POLN: variants seen among roughly 807,000 people sequenced by gnomAD.
POLN encodes DNA polymerase N.
A neutral mutation model predicts 113.5 loss-of-function variants in POLN; 108 were observed. The ratio of observed to expected loss-of-function variants is 0.95; its 90% CI spans 0.81 to 1.12. POLN has a LOEUF of 1.12. POLN is among the 50% of genes most tolerant of loss of function. The pLI, the probability that POLN is intolerant of heterozygous loss-of-function variation, is 0.00. For missense variants in POLN, 1,097 were observed against 1,077.1 expected (o/e 1.02, Z -0.26); for synonymous variants, 386 against 391.5 (o/e 0.99, Z 0.17).
chr4:2,238,272 T>C (rs1734837781), intron 2 of POLN, among the ~76,000 whole-genome samples: 1 of 152,078 alleles, frequency 6.6e-6, no homozygotes. Context: ...CAGCAACACC[T>C]ACTATGCTGA....
At chr4:2,111,297 A>C (rs1030904618) in intron 19 of POLN, among the ~76,000 whole-genome samples, 14 of 152,038 alleles carry the variant, frequency 9.2e-5, no homozygotes, top group African/African-American at 3.4e-4. Flanking sequence ...TGAATGGACA[A>C]AAACTGGAAG....
At chr4:2,073,882 A>G (rs1730212400) in intron 24 of POLN, among the ~76,000 whole-genome samples, 1 of 152,064 alleles carries the variant, frequency 6.6e-6, no homozygotes, top group South Asian at 2.1e-4. Flanking sequence ...TGTGGCCCTC[A>G]ATGTCTTCTG....
In POLN at chr4:2,101,608, G is replaced by A. The variant is rs114649495; in HGVS notation, c.1983-5675C>T. On this transcript the variant is annotated intron_variant, in intron 19 of 25. Transcript: ENST00000511885. ...GGAGGGAACATGCCCTGGGTCCCAC[G>A]TCCTTCCTAAGACCTAAGCAGCTAG... 4.9e-3 allele frequency among the ~76,000 whole-genome samples: 740 copies of A among 152,320 alleles called. 10 individuals carry two copies. Among genetic ancestry groups the A allele is most frequent in the African/African-American group, 0.016 (672 of 41,558 alleles).
At chr4:2,149,320 C>T (rs1561041576) in intron 16 of POLN, among the ~76,000 whole-genome samples, 1 of 150,150 alleles carries the variant, frequency 6.7e-6, no homozygotes, top group African/African-American at 2.4e-5. Context: ...AACAAACAAA[C>T]AAACAACAAA....
chr4:2,168,865 G>C (rs932648636), intron 13 of POLN, among the ~76,000 whole-genome samples: 2 of 152,210 alleles, frequency 1.3e-5, no homozygotes, highest in Non-Finnish European at 2.9e-5. Flanking sequence ...TTGGTTCTGG[G>C]AACAAACTGA....
At chr4:2,073,873 G>A (rs1365173949) in intron 24 of POLN, among the ~76,000 whole-genome samples, 1 of 152,212 alleles carries the variant, frequency 6.6e-6, no homozygotes, top group Non-Finnish European at 1.5e-5. Flanking sequence ...CCCAAGCTCT[G>A]TGGCCCTCAA....
rs759981937 is a variant in POLN at position 2,179,454 on chromosome 4, T to C, written c.1033A>G (p.Ile345Val). The change falls in exon 8 of 26, where the codon ATA (isoleucine) becomes GTA (valine). Residue 345 changes from isoleucine (I) to valine (V), a missense_variant. By Grantham distance (29) the Ile-to-Val change is conservative. Transcript: ENST00000511885. ...DGSWKHVADFIGLDPRIAAWL... is the reference protein window; with the variant it reads ...DGSWKHVADFVGLDPRIAAWL... Reference sequence around the variant, plus strand: ...GCAGCAATTCTGGGATCTAGCCCTATAAAATCAGCAACTGAAGAGAAAAAG... The same window carrying C: ...GCAGCAATTCTGGGATCTAGCCCTACAAAATCAGCAACTGAAGAGAAAAAG... 2 of 1,613,080 alleles carry C rather than the reference T, an allele frequency of 1.2e-6. No homozygotes were observed. The highest frequency in any genetic ancestry group is 1.7e-6 in the Non-Finnish European group (2 of 1,179,670).
At chr4:2,178,860 C>T (rs936739522) in intron 8 of POLN, among the ~76,000 whole-genome samples, 7 of 152,146 alleles carry the variant, frequency 4.6e-5, no homozygotes, top group South Asian at 2.1e-4. Context: ...GATCGGCCCA[C>T]CTTAGCCTCC....
At chr4:2,184,546 A>G (rs1371350537) in intron 7 of POLN, among the ~76,000 whole-genome samples, 1 of 150,568 alleles carries the variant, frequency 6.6e-6, no homozygotes, top group East Asian at 1.9e-4. Flanking sequence ...AAATATCAGT[A>G]TGAACTCACA....
At chr4:2,088,264 C>T (rs1339940383) in intron 20 of POLN, among the ~76,000 whole-genome samples, 1 of 152,040 alleles carries the variant, frequency 6.6e-6, no homozygotes, top group Non-Finnish European at 1.5e-5. Flanking sequence ...GGAATTATAT[C>T]GTATTTTAAA....
chr4:2,205,209 G>A (rs1473628070), intron 5 of POLN, among the ~76,000 whole-genome samples: 1 of 152,140 alleles, frequency 6.6e-6, no homozygotes, highest in Non-Finnish European at 1.5e-5. Context: ...CCTCCAGAAA[G>A]CTCCTAGAAC....
chr4:2,113,971 C>T (rs913971415), intron 19 of POLN, among the ~76,000 whole-genome samples: 15 of 151,062 alleles, frequency 9.9e-5, no homozygotes, highest in African/African-American at 1.5e-4. Flanking sequence ...GCGATCACAG[C>T]TCACTGCAGC....
intron 23 of POLN, chr4:2,080,267 C>T: frequency 1.0e-6 from 1 of 987,778 alleles, no homozygotes; most frequent in Non-Finnish European, 1.2e-6. Flanking sequence ...GCTGCTTGTC[C>T]CCTGGCCACC....
chr4:2,080,111 G>A, intron 23 of POLN: 1 of 985,572 alleles, frequency 1.0e-6, no homozygotes, highest in Non-Finnish European at 1.2e-6. Context: ...TGACACTGTG[G>A]GGGGCTGGGG....
At chr4:2,147,002 GA>G (rs1252409765) in intron 16 of POLN, among the ~76,000 whole-genome samples, 1 of 152,074 alleles carries the variant, frequency 6.6e-6, no homozygotes, top group African/African-American at 2.4e-5. Context: ...CACCAACCAA[GA>G]AACCAAAGCA....
intron 16 of POLN, among the ~76,000 whole-genome samples, chr4:2,146,894 C>G (rs577002205): frequency 1.3e-5 from 2 of 152,192 alleles, no homozygotes; most frequent in South Asian, 4.2e-4. Context: ...GTTAATTTGG[C>G]TCCATCCCAG....
intron 14 of POLN, among the ~76,000 whole-genome samples, chr4:2,158,260 T>C (rs1490998861): frequency 6.6e-6 from 1 of 152,102 alleles, no homozygotes; most frequent in Non-Finnish European, 1.5e-5. Flanking sequence ...CCTAAGTCTT[T>C]AAACAGGAAT....
chr4:2,144,764 AT>A (rs1448685425), intron 16 of POLN, among the ~76,000 whole-genome samples: 1 of 152,178 alleles, frequency 6.6e-6, no homozygotes, highest in Non-Finnish European at 1.5e-5. Flanking sequence ...ACATTTAGCG[AT>A]TACCTATCAA....
chr4:2,179,670 G>A (rs971890122), intron 7 of POLN, among the ~76,000 whole-genome samples: 1 of 152,076 alleles, frequency 6.6e-6, no homozygotes, highest in Non-Finnish European at 1.5e-5. Flanking sequence ...GTCCCACATG[G>A]CCCGTCTCTG....
Sources: allele counts gnomAD v4.1 joint callset (sites outside exome capture counted in the v4.1 genomes callset), GRCh38; gene constraint gnomAD v4.1.1; transcripts MANE v1.5; gene names NCBI Gene and HGNC (gene_info 2026-07-23, HGNC 2026-07-21).